The following THSD4 variants were observed in gnomAD, a reference collection of about 807,000 sequenced individuals.
THSD4 encodes thrombospondin type 1 domain containing 4, also known as thrombospondin type-1 domain-containing protein 4.
Under a neutral mutation model 119.0 loss-of-function variants are expected in THSD4, and 69 were observed. The ratio of observed to expected loss-of-function variants is 0.58; its 90% CI spans 0.48 to 0.71. The LOEUF (loss-of-function observed/expected upper bound fraction) is 0.71. THSD4 is among the 30% of genes least tolerant of loss of function. The pLI is 0.00. For missense variants in THSD4, 1,393 were observed against 1,391.1 expected (o/e 1.00, Z -0.02); for synonymous variants, 524 against 540.4 (o/e 0.97, Z 0.42).
chr15:71,315,215 T>C (rs537202874), intron 6 of THSD4, among the ~76,000 whole-genome samples: 7 of 152,248 alleles, frequency 4.6e-5, no homozygotes, highest in Non-Finnish European at 1.5e-5. Context: ...CTCTGGCTGA[T>C]ATACCTGCAT....
chr15:71,506,203 T>C (rs1437706925), intron 7 of THSD4, among the ~76,000 whole-genome samples: 1 of 152,224 alleles, frequency 6.6e-6, no homozygotes, highest in Non-Finnish European at 1.5e-5. Context: ...TTTGCTGATC[T>C]AGATCTTAGG....
At chr15:71,707,205 G>A (rs1178474661) in intron 8 of THSD4, among the ~76,000 whole-genome samples, 4 of 152,086 alleles carry the variant, frequency 2.6e-5, no homozygotes, top group Admixed American at 6.6e-5. Flanking sequence ...AAAGTTAAGG[G>A]TCAAAAAGGC....
intron 7 of THSD4, among the ~76,000 whole-genome samples, chr15:71,598,019 G>T (rs1465750172): frequency 6.6e-6 from 1 of 152,114 alleles, no homozygotes; most frequent in Admixed American, 6.6e-5. Context: ...CATGGTTCAG[G>T]CCTTCAAGGT....
intron 7 of THSD4, among the ~76,000 whole-genome samples, chr15:71,518,079 C>T (rs1393290355): frequency 6.6e-6 from 1 of 152,156 alleles, no homozygotes; most frequent in Non-Finnish European, 1.5e-5. Context: ...GACCCAAGAG[C>T]CCTCAGAAGT....
At chr15:71,224,669 C>G (rs12101630) in intron 4 of THSD4, among the ~76,000 whole-genome samples, 86,317 of 152,026 alleles carry the variant, frequency 0.57, 24,973 homozygotes, top group Admixed American at 0.66. Flanking sequence ...TGCACTCCTT[C>G]TGGGGGCTTT....
At chr15:71,776,628 G>A (rs1391435669) in intron 17 of THSD4, among the ~76,000 whole-genome samples, 1 of 152,056 alleles carries the variant, frequency 6.6e-6, no homozygotes, top group African/African-American at 2.4e-5. Flanking sequence ...TATACCTTAT[G>A]ACCCAGCAAG....
intron 6 of THSD4, among the ~76,000 whole-genome samples, chr15:71,281,716 G>T (rs2140314442): frequency 6.6e-6 from 1 of 152,332 alleles, no homozygotes; most frequent in South Asian, 2.1e-4. Flanking sequence ...TCCATAGCAT[G>T]AAGAAATTTT....
At chr15:71,170,701 T>A (rs374036793) in intron 3 of THSD4, among the ~76,000 whole-genome samples, 6 of 152,070 alleles carry the variant, frequency 3.9e-5, no homozygotes, top group African/African-American at 1.4e-4. Flanking sequence ...TTAACATTAT[T>A]CCCCATAATG....
intron 7 of THSD4, among the ~76,000 whole-genome samples, chr15:71,414,022 G>C (rs997264094): frequency 4.6e-5 from 7 of 152,214 alleles, no homozygotes; most frequent in Non-Finnish European, 1.0e-4. Flanking sequence ...TTGAGGAATG[G>C]TGAATGTAAT....
chr15:71,111,041 G>A (rs1248521121), upstream of THSD4: 7 of 1,264,374 alleles, frequency 5.5e-6, no homozygotes, highest in Admixed American at 4.9e-5. Flanking sequence ...CCTCGGATCC[G>A]GGTGATGCCT....
At chr15:71,396,451 C>T (rs1409236970) in intron 6 of THSD4, among the ~76,000 whole-genome samples, 1 of 152,174 alleles carries the variant, frequency 6.6e-6, no homozygotes, top group African/African-American at 2.4e-5. Flanking sequence ...GTTTCCAAGA[C>T]CTTTACTTTA....
At chr15:71,340,245 C>T (rs2045547840) in intron 6 of THSD4, among the ~76,000 whole-genome samples, 1 of 152,194 alleles carries the variant, frequency 6.6e-6, no homozygotes, top group African/African-American at 2.4e-5. Context: ...GCCTTGGCTT[C>T]ACATCTTGCC....
At chr15:71,099,114 C>T (rs1347427596) in intron 1 of THSD4, among the ~76,000 whole-genome samples, 2 of 152,192 alleles carry the variant, frequency 1.3e-5, no homozygotes, top group Non-Finnish European at 2.9e-5. Flanking sequence ...AAGAAAATGC[C>T]TCCTACTCCA....
chr15:71,546,211 T>A (rs191488121), intron 7 of THSD4, among the ~76,000 whole-genome samples: 46 of 152,232 alleles, frequency 3.0e-4, no homozygotes, highest in African/African-American at 1.1e-3. Context: ...AACTGGAGTT[T>A]AACCCACACC....
intron 6 of THSD4, among the ~76,000 whole-genome samples, chr15:71,391,272 G>A (rs925468954): frequency 2.6e-5 from 4 of 151,956 alleles, no homozygotes; most frequent in African/African-American, 4.8e-5. Flanking sequence ...CTCGTGATCC[G>A]CCTGCCTCGG....
At chr15:71,326,409 G>A (rs1052435415) in intron 6 of THSD4, among the ~76,000 whole-genome samples, 1 of 151,664 alleles carries the variant, frequency 6.6e-6, no homozygotes, top group Non-Finnish European at 1.5e-5. Context: ...GGGCAGGGTG[G>A]CTCATGCCTG....
chr15:71,355,702 G>C (rs1439877557), intron 6 of THSD4, among the ~76,000 whole-genome samples: 1 of 152,078 alleles, frequency 6.6e-6, no homozygotes, highest in African/African-American at 2.4e-5. Context: ...TGGGTCTGTG[G>C]AGAGCTCAAT....
intron 7 of THSD4, among the ~76,000 whole-genome samples, chr15:71,635,075 C>T (rs2050713826): frequency 6.6e-6 from 1 of 152,198 alleles, no homozygotes; most frequent in African/African-American, 2.4e-5. Flanking sequence ...AAAGCCTCTT[C>T]TCAGCAAATA....
intron 6 of THSD4, among the ~76,000 whole-genome samples, chr15:71,257,865 C>G (rs1007335725): frequency 3.3e-5 from 5 of 151,952 alleles, no homozygotes; most frequent in African/African-American, 1.2e-4. Flanking sequence ...CTATCAAATT[C>G]AAGCAGGAAG....
Sources: allele counts gnomAD v4.1 joint callset (sites outside exome capture counted in the v4.1 genomes callset), GRCh38; gene constraint gnomAD v4.1.1; transcripts MANE v1.5; gene names NCBI Gene and HGNC (gene_info 2026-07-23, HGNC 2026-07-21).